Variants in LIMCH1 observed in about 807,000 individuals in gnomAD.
The protein encoded by LIMCH1 is LIM and calponin homology domains-containing protein 1.
In LIMCH1, 113 loss-of-function variants were observed where a neutral mutation model predicts 176.5. The ratio of observed to expected loss-of-function variants is 0.64; its 90% confidence interval spans 0.55 to 0.75. The LOEUF (loss-of-function observed/expected upper bound fraction) is 0.75. Ranked by LOEUF, LIMCH1 falls within the 30% of genes least tolerant of loss-of-function variation. LIMCH1 has a pLI of 0.00. For synonymous variants in LIMCH1, 619 were observed against 645.9 expected, an observed-to-expected ratio of 0.96 and a Z score of 0.63; for missense variants, 1,674 against 1,814.9, an observed-to-expected ratio of 0.92 and a Z score of 1.41.
intron 1 of LIMCH1, among the ~76,000 whole-genome samples, chr4:41,447,026 T>C (rs2063352358): frequency 6.6e-6 from 1 of 152,272 alleles, no homozygotes; most frequent in African/African-American, 2.4e-5. Context: ...CCCAGGAGTT[T>C]GAGACCAACC....
At position 41,482,159 on chromosome 4, in the gene LIMCH1, T is replaced by C. The variant is rs890490653; in HGVS notation, c.97-12377T>C. 2.6e-5 allele frequency among the ~76,000 whole-genome samples: 4 copies of C among 152,170 alleles called. No homozygotes were observed. The East Asian group carries it at 7.7e-4, about 29-fold the overall frequency. On this transcript the variant is annotated intron_variant, in intron 1 of 26. Coordinates refer to the LIMCH1 transcript ENST00000313860. ...CTGGGATTACAGGTGTGAGCCACTG[T>C]GCCTGGCCTGAAATAGTTCTTAGGT...
chr4:41,492,489 A>G (rs1192668360), intron 1 of LIMCH1, among the ~76,000 whole-genome samples: 3 of 152,190 alleles, frequency 2.0e-5, no homozygotes, highest in Non-Finnish European at 4.4e-5. Flanking sequence ...TTTGGCTCCC[A>G]TGAATTCTTT....
intron 1 of LIMCH1, among the ~76,000 whole-genome samples, chr4:41,399,399 A>C (rs2058136137): frequency 6.6e-6 from 1 of 152,182 alleles, no homozygotes; most frequent in Non-Finnish European, 1.5e-5. Flanking sequence ...TCTGGGAAGT[A>C]AGGAGATGGA....
intron 1 of LIMCH1, among the ~76,000 whole-genome samples, chr4:41,594,123 G>A (rs1164071821): frequency 6.6e-6 from 1 of 152,108 alleles, no homozygotes; most frequent in Non-Finnish European, 1.5e-5. Context: ...AACATTCATT[G>A]AGTAATATCA....
At chr4:41,696,587 G>A (rs1480426189) in intron 31 of LIMCH1, among the ~76,000 whole-genome samples, 1 of 152,124 alleles carries the variant, frequency 6.6e-6, no homozygotes, top group Non-Finnish European at 1.5e-5. Context: ...AATATTGCAT[G>A]CTCTGGATTT....
In LIMCH1 at chr4:41,620,578, G is replaced by C. The variant is rs1168192958; in HGVS notation, c.613G>C (p.Val205Leu). The C allele has an allele frequency of 4.6e-6, 7 of 1,536,198 alleles. No homozygotes were observed. The highest frequency in any genetic ancestry group is 6.1e-6 in the Non-Finnish European group (7 of 1,146,976). ...GKEHPSSDGA[V>L]VAPAPKSEEK... ...GGAGCACCCTTCTTCAGACGGGGCT[G>C]TGGTGGCACCAGCTCCCAAGTCTGA... The change falls in exon 7 of 32, where the codon GTG becomes CTG. Residue 205 changes from valine to leucine, a missense_variant. By Grantham distance (32) the Val-to-Leu change is conservative. This residue lies in a region of LIMCH1 where 655 missense variants were observed against 692.2 expected (regional missense o/e 0.95). Transcript: ENST00000503057.
intron 1 of LIMCH1, among the ~76,000 whole-genome samples, chr4:41,384,201 T>C (rs1266496919): frequency 6.6e-6 from 1 of 150,674 alleles, no homozygotes; most frequent in Non-Finnish European, 1.5e-5. Flanking sequence ...TCACATTACA[T>C]CCTGCTTTCT....
chr4:41,529,593 A>G (rs1047417740), intron 3 of LIMCH1, among the ~76,000 whole-genome samples: 2 of 152,200 alleles, frequency 1.3e-5, no homozygotes, highest in Non-Finnish European at 2.9e-5. Context: ...CACATTAGAC[A>G]AACAGTAAAA....
At chr4:41,438,848 T>G (rs528911727) in intron 1 of LIMCH1, among the ~76,000 whole-genome samples, 7 of 152,178 alleles carry the variant, frequency 4.6e-5, no homozygotes, top group African/African-American at 1.4e-4. Flanking sequence ...GCAAGATGAG[T>G]CCTGCCATCA....
In LIMCH1 at chr4:41,386,448, A is replaced by G. The variant is rs553240943; in HGVS notation, c.96+25512A>G. 1.2e-4 allele frequency among the ~76,000 whole-genome samples: 19 copies of G among 152,374 alleles called. No individual in the cohort carries two copies. The South Asian group carries it at 3.9e-3, about 32-fold the overall frequency. ...TGTTTTCAGGAATACATGAGTTAAT[A>G]TGTACAAAAAATTAAAAGAAATGCC... On this transcript the variant is annotated intron_variant, in intron 1 of 26. Transcript: ENST00000313860.
At chr4:41,431,711 T>C (rs2061620387) in intron 1 of LIMCH1, among the ~76,000 whole-genome samples, 1 of 152,332 alleles carries the variant, frequency 6.6e-6, no homozygotes, top group South Asian at 2.1e-4. Flanking sequence ...ACTCACATTT[T>C]CCCTCACCCA....
intron 22 of LIMCH1, 49 bp downstream of exon 22, chr4:41,671,643 A>G (rs1200000398): frequency 1.5e-6 from 2 of 1,348,716 alleles, no homozygotes. Flanking sequence ...TGTGATTTTA[A>G]TTTATAACAT....
intron 5 of LIMCH1, among the ~76,000 whole-genome samples, chr4:41,614,228 C>G (rs1322904906): frequency 6.6e-6 from 1 of 152,220 alleles, no homozygotes; most frequent in Non-Finnish European, 1.5e-5. Context: ...ACAACCCAGG[C>G]TGCCTGCTTG....
At chr4:41,605,322 C>G (rs1231414562) in intron 3 of LIMCH1, among the ~76,000 whole-genome samples, 1 of 152,170 alleles carries the variant, frequency 6.6e-6, no homozygotes, top group East Asian at 1.9e-4. Flanking sequence ...ATCTGCAGAT[C>G]ATATTCTTCA....
chr4:41,439,101 G>T (rs114351814), intron 1 of LIMCH1, among the ~76,000 whole-genome samples: 1 of 152,186 alleles, frequency 6.6e-6, no homozygotes, highest in East Asian at 1.9e-4. Flanking sequence ...ACCCTTCAGC[G>T]TGCAGATGGT....
intron 1 of LIMCH1, among the ~76,000 whole-genome samples, chr4:41,490,086 G>T (rs1264654803): frequency 1.3e-5 from 2 of 152,006 alleles, no homozygotes; most frequent in African/African-American, 2.4e-5. Flanking sequence ...GAGGAGGAGG[G>T]GTTGGTCTCG....
intron 1 of LIMCH1, among the ~76,000 whole-genome samples, chr4:41,380,107 G>T (rs577166737): frequency 6.6e-6 from 1 of 151,720 alleles, no homozygotes; most frequent in South Asian, 2.1e-4. Flanking sequence ...GCCCAGCCAG[G>T]TCTAGTATTT....
At chr4:41,413,913 C>T (rs1028932530) in intron 1 of LIMCH1, among the ~76,000 whole-genome samples, 2 of 152,006 alleles carry the variant, frequency 1.3e-5, no homozygotes, top group South Asian at 2.1e-4. Context: ...ATTAGTAAAC[C>T]GGGGTTAGCT....
chr4:41,658,023 C>G, intron 18 of LIMCH1, among the ~76,000 whole-genome samples: 1 of 152,200 alleles, frequency 6.6e-6, no homozygotes, highest in South Asian at 2.1e-4. Flanking sequence ...CCTCTCAATA[C>G]TGGAGGACAG....
Sources: gnomAD v4.1 joint callset for allele counts (sites outside exome capture counted in the v4.1 genomes callset) on GRCh38, gnomAD v4.1.1 for gene constraint, gnomAD v4.1.1 regional missense constraint, MANE v1.5 for transcripts, NCBI Gene and HGNC (gene_info 2026-07-23, HGNC 2026-07-21) for gene names.